Variants in RABGAP1L observed in about 807,000 individuals in gnomAD.
RABGAP1L encodes the protein RAB GTPase activating protein 1 like.
RABGAP1L carries 63 observed loss-of-function variants against 137.7 expected under a neutral mutation model. That is an observed-to-expected ratio of 0.46 (90% CI 0.37 to 0.56). The LOEUF (loss-of-function observed/expected upper bound fraction) is 0.56, where lower values mean the gene tolerates loss of function less well. Among genes scored for constraint, RABGAP1L ranks in the 20% least tolerant of loss-of-function variants. RABGAP1L has a pLI of 0.00. For synonymous variants in RABGAP1L, 431 were observed against 433.7 expected, an observed-to-expected ratio of 0.99 and a Z score of 0.08; for missense variants, 1,095 against 1,244.0, an observed-to-expected ratio of 0.88 and a Z score of 1.80.
At chr1:174,451,386 C>A (rs1037233567) in intron 13 of RABGAP1L, among the ~76,000 whole-genome samples, 6 of 152,212 alleles carry the variant, frequency 3.9e-5, no homozygotes, top group Non-Finnish European at 7.3e-5. Flanking sequence ...GCATTTTCCC[C>A]TTCTGGCTTT....
intron 14 of RABGAP1L, among the ~76,000 whole-genome samples, chr1:174,659,963 G>T (rs1480935599): frequency 6.6e-6 from 1 of 152,090 alleles, no homozygotes; most frequent in African/African-American, 2.4e-5. Flanking sequence ...GCAATCCCAG[G>T]ATATTAACCC....
At position 174,991,216 on chromosome 1, in the gene RABGAP1L, T is replaced by C. The variant is rs909446908; in HGVS notation, c.*1215T>C. ...ATTATATTTAACATGCCTATAAAAA[T>C]AGTCCTTGCAGGAAATTATTTGATA... On this transcript the variant is annotated 3_prime_UTR_variant, in exon 26 of 26. Coordinates refer to ENST00000681986, the MANE Select transcript of RABGAP1L (RefSeq NM_001366446.1). 1 of 152,254 alleles carries C rather than the reference T, an allele frequency of 6.6e-6. No individual in the cohort carries two copies. The highest frequency in any genetic ancestry group is 2.4e-5 in the African/African-American group (1 of 41,464). The allele number at this position is 152,254 out of a possible 1,614,324, so 9.4% of individuals were successfully genotyped here.
At chr1:174,818,088 G>A (rs539503815) in intron 19 of RABGAP1L, among the ~76,000 whole-genome samples, 1 of 152,344 alleles carries the variant, frequency 6.6e-6, no homozygotes, top group East Asian at 1.9e-4. Flanking sequence ...TAGGCAGGTG[G>A]ATACTGAAGT....
rs540075616 is a variant in RABGAP1L at position 174,508,008 on chromosome 1, T to C, written c.1710+113863T>C. 3.3e-5 allele frequency among the ~76,000 whole-genome samples: 5 copies of C among 152,256 alleles called. 1 individual carries two copies. The highest frequency in any genetic ancestry group is 7.2e-5 in the African/African-American group (3 of 41,584). On this transcript the variant is annotated intron_variant, in intron 13 of 25. Coordinates refer to ENST00000681986, the MANE Select transcript of RABGAP1L (RefSeq NM_001366446.1). Reference sequence around the variant, plus strand: ...TTCACTACTGAGTAGCTTGTTCTGGTTGATTTTCAAAAGAGTCTTAAATTT... The same window carrying C: ...TTCACTACTGAGTAGCTTGTTCTGGCTGATTTTCAAAAGAGTCTTAAATTT...
chr1:174,710,351 GAAC>G (rs1304515072), intron 17 of RABGAP1L, among the ~76,000 whole-genome samples: 2 of 152,008 alleles, frequency 1.3e-5, no homozygotes, highest in Non-Finnish European at 2.9e-5. Flanking sequence ...ACCCCACAAA[GAAC>G]AACCACAAGA....
chr1:174,413,058 C>A (rs1439788255), intron 13 of RABGAP1L, among the ~76,000 whole-genome samples: 1 of 152,096 alleles, frequency 6.6e-6, no homozygotes, highest in Non-Finnish European at 1.5e-5. Flanking sequence ...ATATGTTTTT[C>A]AGATTGTTTA....
intron 20 of RABGAP1L, among the ~76,000 whole-genome samples, chr1:174,961,420 A>G (rs1669076172): frequency 6.6e-6 from 1 of 152,220 alleles, no homozygotes; most frequent in African/African-American, 2.4e-5. Context: ...TTGTGAGGAA[A>G]GTTTTCTAGT....
chr1:174,645,478 A>G (rs1315070345), intron 14 of RABGAP1L, among the ~76,000 whole-genome samples: 2 of 149,324 alleles, frequency 1.3e-5, no homozygotes, highest in African/African-American at 2.5e-5. Flanking sequence ...TATGAATGAG[A>G]ACATGTGGTG....
At chr1:174,800,631 T>A (rs952979274) in intron 18 of RABGAP1L, 32 of 1,350,556 alleles carry the variant, frequency 2.4e-5, no homozygotes, top group Non-Finnish European at 3.0e-5. Context: ...GAGAAGGAAA[T>A]GCTGAGTGGC....
chr1:174,880,644 C>T (rs1573637976), intron 19 of RABGAP1L, among the ~76,000 whole-genome samples: 1 of 151,144 alleles, frequency 6.6e-6, no homozygotes, highest in East Asian at 2.0e-4. Context: ...GGCCTGAGTG[C>T]AGTGGTGTGA....
intron 13 of RABGAP1L, among the ~76,000 whole-genome samples, chr1:174,557,326 A>G (rs918040828): frequency 1.3e-5 from 2 of 152,206 alleles, no homozygotes; most frequent in Admixed American, 6.5e-5. Flanking sequence ...GCTGGATACA[A>G]ATATCACTTC....
At chr1:174,546,618 G>C (rs1350358254) in intron 13 of RABGAP1L, among the ~76,000 whole-genome samples, 1 of 152,202 alleles carries the variant, frequency 6.6e-6, no homozygotes, top group African/African-American at 2.4e-5. Context: ...TTTTAAAGAT[G>C]CCTCTTTCAG....
At chr1:174,438,765 T>TATATATATATATAC (rs1653771996) in intron 13 of RABGAP1L, among the ~76,000 whole-genome samples, 2 of 143,182 alleles carry the variant, frequency 1.4e-5, no homozygotes, top group Non-Finnish European at 3.0e-5. Flanking sequence ...TATATATATA[T>TATATATATATATAC]ATATATATAT....
At chr1:174,177,163 A>T (rs1665953840) in intron 1 of RABGAP1L, among the ~76,000 whole-genome samples, 1 of 152,148 alleles carries the variant, frequency 6.6e-6, no homozygotes, top group Admixed American at 6.6e-5. Flanking sequence ...ACTTTTTAAT[A>T]ATTACCATTC....
chr1:174,918,455 A>G (rs560095321), intron 19 of RABGAP1L, among the ~76,000 whole-genome samples: 1 of 152,312 alleles, frequency 6.6e-6, no homozygotes, highest in Admixed American at 6.5e-5. Flanking sequence ...GTCATAAAAC[A>G]ATGGCAGTTA....
At chr1:174,880,277 TC>T (rs1319640348) in intron 19 of RABGAP1L, among the ~76,000 whole-genome samples, 1 of 152,090 alleles carries the variant, frequency 6.6e-6, no homozygotes, top group East Asian at 1.9e-4. Context: ...TTGTAGATAA[TC>T]TTTAAATTTT....
intron 18 of RABGAP1L, among the ~76,000 whole-genome samples, chr1:174,781,142 C>T (rs1259957464): frequency 6.6e-6 from 1 of 152,158 alleles, no homozygotes; most frequent in African/African-American, 2.4e-5. Flanking sequence ...GAGGAATCGC[C>T]ACACTGACTT....
At chr1:174,585,638 T>C (rs889874759) in intron 13 of RABGAP1L, among the ~76,000 whole-genome samples, 1 of 152,236 alleles carries the variant, frequency 6.6e-6, no homozygotes, top group Non-Finnish European at 1.5e-5. Context: ...CAAGACAGTT[T>C]TGCTCCTTTT....
At chr1:174,201,041 C>T (rs955149661) in intron 1 of RABGAP1L, among the ~76,000 whole-genome samples, 14 of 152,256 alleles carry the variant, frequency 9.2e-5, no homozygotes, top group African/African-American at 2.9e-4. Flanking sequence ...AAGAGGTGCT[C>T]ACTTTGGTCG....
Sources: allele counts gnomAD v4.1 joint callset (sites outside exome capture counted in the v4.1 genomes callset), GRCh38; gene constraint gnomAD v4.1.1; transcripts MANE v1.5; gene names NCBI Gene and HGNC (gene_info 2026-07-23, HGNC 2026-07-21).